The following DENND5A variants were observed in gnomAD, a reference collection of about 807,000 sequenced individuals.
DENND5A encodes the protein DENN domain containing 5A.
A neutral mutation model predicts 140.3 loss-of-function variants in DENND5A; 64 were observed. That is an observed-to-expected ratio of 0.46 (90% CI 0.37 to 0.56). The LOEUF is 0.56. Among genes scored for constraint, DENND5A ranks in the 20% least tolerant of loss-of-function variants. DENND5A has a pLI of 0.00. For synonymous variants in DENND5A, 605 were observed against 607.7 expected (o/e 1.00, Z 0.07); for missense variants, 1,292 against 1,593.8 (o/e 0.81, Z 3.22).
intron 1 of DENND5A, among the ~76,000 whole-genome samples, chr11:9,251,529 T>C (rs1395049820): frequency 1.3e-5 from 2 of 152,138 alleles, no homozygotes; most frequent in Non-Finnish European, 2.9e-5. Flanking sequence ...CCTGAAGGCA[T>C]ACTGAAAACA....
At chr11:9,224,003 C>T (rs1226606731) in intron 1 of DENND5A, among the ~76,000 whole-genome samples, 1 of 151,788 alleles carries the variant, frequency 6.6e-6, no homozygotes, top group Non-Finnish European at 1.5e-5. Flanking sequence ...ACCAGCCTGG[C>T]CAACATGGCA....
At chr11:9,213,335 G>A (rs1849953257) in intron 1 of DENND5A, among the ~76,000 whole-genome samples, 1 of 151,724 alleles carries the variant, frequency 6.6e-6, no homozygotes, top group Admixed American at 6.6e-5. Context: ...CACCAATAAG[G>A]GAAGCTGGGT....
Position 9,141,082 on chromosome 11 carries a change from C to A in DENND5A, c.3680+858G>T, listed in dbSNP as rs1390580454. On this transcript the variant is annotated intron_variant, in intron 22 of 22. Coordinates refer to ENST00000328194, the MANE Select transcript of DENND5A (RefSeq NM_015213.4). ...CGGAGGTTGTGGTGAGCCGAGATCACACCATTGCACTCCAGCCTGGGCAAC... is the reference window on the plus strand; with the variant it reads ...CGGAGGTTGTGGTGAGCCGAGATCAAACCATTGCACTCCAGCCTGGGCAAC... 3.3e-5 allele frequency among the ~76,000 whole-genome samples: 5 copies of A among 152,226 alleles called. No individual in the cohort carries two copies. In the East Asian group the frequency reaches 9.6e-4, roughly 29 times the overall value.
intron 1 of DENND5A, among the ~76,000 whole-genome samples, chr11:9,229,846 T>C (rs112230101): frequency 0.059 from 8,794 of 150,042 alleles, 357 homozygotes; most frequent in South Asian, 0.1. Context: ...AGCCTAAGCA[T>C]AAAAACAGTT....
intron 1 of DENND5A, among the ~76,000 whole-genome samples, chr11:9,239,408 C>T (rs1268804009): frequency 6.7e-6 from 1 of 150,094 alleles, no homozygotes; most frequent in Non-Finnish European, 1.5e-5. Flanking sequence ...GTCATCATGA[C>T]TCACGGCAGC....
chr11:9,161,992 C>A (rs1163572897), intron 11 of DENND5A, among the ~76,000 whole-genome samples: 1 of 151,106 alleles, frequency 6.6e-6, no homozygotes, highest in South Asian at 2.1e-4. Flanking sequence ...GGCCTTTGAA[C>A]CCATATCTGC....
rs745845649 is a variant in DENND5A, at chr11:9,265,035, G to C, written c.35C>G (p.Pro12Arg). The C allele has an allele frequency of 1.3e-6, 2 of 1,565,218 alleles. No individual in the cohort carries two copies. Among genetic ancestry groups the C allele is most frequent in the Non-Finnish European group, 1.7e-6 (2 of 1,159,210 alleles). ...GACAAAGTAGTCGGCGAAGCGACTGGGCGCCGAGCCCCCTCCGCCGCCGCC... is the reference window on the plus strand; with the variant it reads ...GACAAAGTAGTCGGCGAAGCGACTGCGCGCCGAGCCCCCTCCGCCGCCGCC... ...SGGGGGGGSAPSRFADYFVIC... is the reference protein window; with the variant it reads ...SGGGGGGGSARSRFADYFVIC... The change falls in exon 1 of 23, where the codon CCC becomes CGC. Residue 12 changes from proline to arginine, a missense_variant. Pro to Arg is a moderately radical substitution (Grantham distance 103). Transcript: ENST00000328194. The surrounding 1 kb of genome is among the most constrained non-coding windows in gnomAD (Gnocchi z 4.7).
At position 9,261,039 on chromosome 11, in the gene DENND5A, A is replaced by C. The variant is rs1019331765; in HGVS notation, c.109+3922T>G. ...AATTTTTTGTACTTTCTGTAGAGAT[A>C]AGAGTCTTGCCGTGCTGCCCAGGCT... On this transcript the variant is annotated intron_variant, in intron 1 of 22. Coordinates refer to ENST00000328194, the MANE Select transcript of DENND5A (RefSeq NM_015213.4). Among the ~76,000 whole-genome samples the C allele has an allele frequency of 3.1e-3, 3 of 976 alleles. No individual in the cohort carries two copies. In the Non-Finnish European group the frequency reaches 0.38, roughly 122 times the overall value. The allele number at this position is 976 out of a possible 152,430, so 0.6% of individuals were successfully genotyped here.
In DENND5A at chr11:9,204,056, C is replaced by T. The variant is rs752618376; in HGVS notation, c.553G>A (p.Val185Met). The change falls in exon 4 of 23, where the codon GTG becomes ATG. Residue 185 changes from valine to methionine, a missense_variant. Physicochemically the swap from Val to Met is conservative, Grantham distance 21 (BLOSUM62 1). This residue lies in a region of DENND5A where 566 missense variants were observed against 650.4 expected (regional missense o/e 0.87). Coordinates refer to ENST00000328194, the MANE Select transcript of DENND5A (RefSeq NM_015213.4). ...GAGTTGAAGCGCTGCAGTTTGGTCA[C>T]AGGAGTGTCTTCACCATCCTCCATG... is the stretch of plus-strand genomic sequence containing the variant. ...SSMEDGEDTP[V>M]TKLQRFNSYD... 1 of 1,614,164 alleles carries T rather than the reference C, an allele frequency of 6.2e-7. No individual in the cohort carries two copies. Among genetic ancestry groups the T allele is most frequent in the South Asian group, 1.1e-5 (1 of 91,078 alleles).
At chr11:9,176,075 C>T (rs1848537307) in intron 8 of DENND5A, among the ~76,000 whole-genome samples, 1 of 152,224 alleles carries the variant, frequency 6.6e-6, no homozygotes, top group African/African-American at 2.4e-5. Flanking sequence ...TGTTCCAGGA[C>T]CCTCATTAAG....
At position 9,265,017 on chromosome 11, in the gene DENND5A, T is replaced by C. The variant is rs1307362272; in HGVS notation, c.53A>G (p.Tyr18Cys). The change falls in exon 1 of 23, where the codon TAC (tyrosine) becomes TGC (cysteine). Residue 18 changes from tyrosine to cysteine, a missense_variant. By Grantham distance (194) the Tyr-to-Cys change is radical (BLOSUM62 -2). Around this residue, in one of 4 missense-constraint regions of DENND5A, gnomAD observed 566 missense variants for 650.4 expected, o/e 0.87. Coordinates refer to ENST00000328194, the MANE Select transcript of DENND5A (RefSeq NM_015213.4). This position sits in a 1 kb window ranked among gnomAD's most constrained non-coding sequence, Gnocchi z 4.7. ...GGSAPSRFAD[Y>C]FVICGLDTET... ...CGTGTCCAGTCCGCAGATGACAAAG[T>C]AGTCGGCGAAGCGACTGGGCGCCGA... 4 of 1,581,930 alleles carry C rather than the reference T, an allele frequency of 2.5e-6. No individual in the cohort carries two copies. Among genetic ancestry groups the C allele is most frequent in the Admixed American group, 3.5e-5 (2 of 57,638 alleles).
chr11:9,241,449 A>T (rs916440282), intron 1 of DENND5A, among the ~76,000 whole-genome samples: 10 of 152,136 alleles, frequency 6.6e-5, no homozygotes, highest in Admixed American at 1.3e-4. Context: ...TGGCCTATAA[A>T]GCCCTACATC....
intron 4 of DENND5A, among the ~76,000 whole-genome samples, chr11:9,200,404 C>T (rs775001215): frequency 6.6e-6 from 1 of 152,208 alleles, no homozygotes; most frequent in African/African-American, 2.4e-5. Flanking sequence ...GCTCTAACTT[C>T]GTATCTTAAA....
intron 5 of DENND5A, among the ~76,000 whole-genome samples, chr11:9,190,848 C>A (rs985309241): frequency 2.4e-4 from 36 of 152,234 alleles, no homozygotes; most frequent in African/African-American, 8.2e-4. Context: ...ATTTCTGAGA[C>A]ACCCCAAAGT....
chr11:9,249,044 G>A (rs1217311969), intron 1 of DENND5A, among the ~76,000 whole-genome samples: 2 of 152,056 alleles, frequency 1.3e-5, no homozygotes, highest in South Asian at 2.1e-4. Context: ...TGGCTAACGT[G>A]GTGAAACCCT....
chr11:9,162,351 A>G (rs1208885337), intron 11 of DENND5A, among the ~76,000 whole-genome samples: 1 of 144,722 alleles, frequency 6.9e-6, no homozygotes, highest in Admixed American at 7.4e-5. Flanking sequence ...CAAATTCTCC[A>G]GCCTCAGCCT....
chr11:9,189,618 GT>G (rs77938128), intron 5 of DENND5A, among the ~76,000 whole-genome samples: 34 of 145,040 alleles, frequency 2.3e-4, no homozygotes, highest in Middle Eastern at 3.6e-3. Context: ...CTGTTGTTTG[GT>G]TTTTTTTTTT....
intron 1 of DENND5A, among the ~76,000 whole-genome samples, chr11:9,222,623 A>G (rs1197611709): frequency 6.6e-6 from 1 of 152,240 alleles, no homozygotes; most frequent in Non-Finnish European, 1.5e-5. Context: ...ATAGGGATAA[A>G]TAGAGCCAGA....
chr11:9,151,392 T>C (rs935465800), intron 13 of DENND5A, among the ~76,000 whole-genome samples: 5 of 152,204 alleles, frequency 3.3e-5, no homozygotes, highest in East Asian at 1.9e-4. Flanking sequence ...ATGACTTCTA[T>C]AGCATTCTTA....
Sources: allele counts gnomAD v4.1 joint callset (sites outside exome capture counted in the v4.1 genomes callset), GRCh38; gene constraint gnomAD v4.1.1; regional missense constraint gnomAD v4.1.1; non-coding constraint Gnocchi (gnomAD v3.1); transcripts MANE v1.5; gene names NCBI Gene and HGNC (gene_info 2026-07-23, HGNC 2026-07-21).